ATL1: variants seen among roughly 807,000 people sequenced by gnomAD.
ATL1 encodes the protein atlastin GTPase 1.
A neutral mutation model predicts 75.5 loss-of-function variants in ATL1; 31 were observed. The ratio of observed to expected loss-of-function variants is 0.41; its 90% CI spans 0.31 to 0.55. ATL1 has a LOEUF of 0.55. ATL1 is among the 20% of genes least tolerant of loss of function. The pLI, the probability that ATL1 is intolerant of heterozygous loss-of-function variation, is 0.27. For synonymous variants in ATL1, 226 were observed against 233.3 expected (o/e 0.97, Z 0.28); for missense variants, 405 against 662.6 (o/e 0.61, Z 4.27).
chr14:50,574,935 GTGTATATA>G (rs1226057004), intron 1 of ATL1, among the ~76,000 whole-genome samples: 992 of 34,460 alleles, frequency 0.029, 25 homozygotes, highest in Admixed American at 0.13. Flanking sequence ...GTGTGTGTGT[GTGTATATA>G]TATATATATA....
Position 50,621,912 on chromosome 14 carries a change from G to A in ATL1, c.1047+13G>A, listed in dbSNP as rs780064369. 4 of 1,574,468 alleles carry A rather than the reference G, an allele frequency of 2.5e-6. No homozygotes were observed. On this transcript the variant is annotated intron_variant, in intron 10 of 13. Transcript: ENST00000358385. Reference sequence around the variant, plus strand: ...ATCCATGTTACAGGTATTTATTAATGAGGAGGCATGTTTTAAGACACGTGA... The same window carrying A: ...ATCCATGTTACAGGTATTTATTAATAAGGAGGCATGTTTTAAGACACGTGA...
At chr14:50,616,090 C>G (rs551826690) in intron 8 of ATL1, among the ~76,000 whole-genome samples, 3 of 152,056 alleles carry the variant, frequency 2.0e-5, no homozygotes, top group Non-Finnish European at 4.4e-5. Flanking sequence ...AACTCCTGGG[C>G]TCCAGCCATC....
At chr14:50,604,959 C>T (rs1175110314) in intron 6 of ATL1, among the ~76,000 whole-genome samples, 1 of 151,980 alleles carries the variant, frequency 6.6e-6, no homozygotes, top group Non-Finnish European at 1.5e-5. Flanking sequence ...GCTGTAACTG[C>T]TCTGAGGCAA....
chr14:50,601,210 TAAAC>T (rs2039269153), intron 6 of ATL1, among the ~76,000 whole-genome samples: 1 of 152,100 alleles, frequency 6.6e-6, no homozygotes, highest in Admixed American at 6.6e-5. Flanking sequence ...AGACCTATAA[TAAAC>T]AACAAATATG....
At chr14:50,559,988 C>T (rs1042981519), upstream of ATL1, 2 of 529,048 alleles carry the variant, frequency 3.8e-6, no homozygotes, top group Non-Finnish European at 3.4e-6. Context: ...GGTACGTGGT[C>T]TATCACTGTC....
rs202173614 is a variant in ATL1 at position 50,593,893 on chromosome 14, C to A, written c.570C>A (p.Leu190=). 13 of 1,604,764 alleles carry A rather than the reference C, an allele frequency of 8.1e-6. No homozygotes were observed. Among genetic ancestry groups the A allele is most frequent in the Non-Finnish European group, 1.1e-5 (13 of 1,172,146 alleles). The change falls in exon 5 of 14, where the codon CTC becomes CTA. Residue 190 remains leucine, a synonymous_variant. Transcript: ENST00000358385. ...TCCAGGAGGATGATCTTCAGCACCT[C>A]CAGGTAACAATATTTATTTTCTTTT... The part of the protein sequence containing the change: ...QNVQEDDLQH[L]QLFTEYGRLA...
chr14:50,561,409 G>C (rs2038843457), intron 1 of ATL1, among the ~76,000 whole-genome samples: 1 of 152,178 alleles, frequency 6.6e-6, no homozygotes, highest in Admixed American at 6.5e-5. Flanking sequence ...TCATCAGCTT[G>C]TTATTTAGAA....
intron 6 of ATL1, among the ~76,000 whole-genome samples, chr14:50,604,944 A>G (rs1160590502): frequency 1.3e-5 from 2 of 152,054 alleles, no homozygotes; most frequent in Non-Finnish European, 2.9e-5. Flanking sequence ...AAGTAATTAG[A>G]TGAGGCTGTA....
At chr14:50,620,193 G>C (rs1467338092) in intron 8 of ATL1, among the ~76,000 whole-genome samples, 2 of 152,182 alleles carry the variant, frequency 1.3e-5, no homozygotes, top group African/African-American at 4.8e-5. Context: ...AGGAGGCAGA[G>C]GTTGCAGTGA....
chr14:50,547,945 T>C (rs1034895488), intron 1 of ATL1, among the ~76,000 whole-genome samples: 5 of 152,206 alleles, frequency 3.3e-5, no homozygotes, highest in African/African-American at 1.2e-4. Context: ...AGTACCTATC[T>C]AGACTCTCTT....
intron 13 of ATL1, chr14:50,631,076 T>C (rs886548160): frequency 1.1e-5 from 4 of 351,692 alleles, no homozygotes; most frequent in African/African-American, 8.8e-5. Context: ...CTGGCTAACA[T>C]GGTGAGGCCC....
At chr14:50,545,580 A>G (rs1290550667) in intron 1 of ATL1, among the ~76,000 whole-genome samples, 1 of 152,218 alleles carries the variant, frequency 6.6e-6, no homozygotes, top group East Asian at 1.9e-4. Context: ...TTAAAGTACA[A>G]TAAGAATAGC....
At chr14:50,626,043 A>G (rs1262495370) in intron 11 of ATL1, among the ~76,000 whole-genome samples, 1 of 152,242 alleles carries the variant, frequency 6.6e-6, no homozygotes, top group African/African-American at 2.4e-5. Context: ...ACCTACAAAG[A>G]AAGATTCCTT....
intron 1 of ATL1, among the ~76,000 whole-genome samples, chr14:50,547,728 A>G (rs933776392): frequency 6.6e-6 from 1 of 152,210 alleles, no homozygotes; most frequent in Non-Finnish European, 1.5e-5. Flanking sequence ...GCCGTACCCA[A>G]TATTACTCAA....
intron 1 of ATL1, among the ~76,000 whole-genome samples, chr14:50,554,492 G>A (rs2038741316): frequency 6.6e-6 from 1 of 152,286 alleles, no homozygotes; most frequent in South Asian, 2.1e-4. Flanking sequence ...TGGGGAATGG[G>A]GTGGATTGTA....
chr14:50,584,649 C>T (rs1407215636), intron 1 of ATL1, among the ~76,000 whole-genome samples: 3 of 151,932 alleles, frequency 2.0e-5, no homozygotes, highest in Non-Finnish European at 2.9e-5. Context: ...GCGGAGCTTG[C>T]AGTGAGCCGA....
At chr14:50,537,115 G>A (rs116866611) in intron 1 of ATL1, among the ~76,000 whole-genome samples, 2,255 of 152,304 alleles carry the variant, frequency 0.015, 19 homozygotes, top group South Asian at 0.028. Flanking sequence ...AAGTGGTTTC[G>A]TTGGCTAGGC....
chr14:50,559,900 T>C (rs2038813206), upstream of ATL1: 6 of 336,608 alleles, frequency 1.8e-5, no homozygotes, highest in East Asian at 3.7e-4. Flanking sequence ...GTATTTCTGA[T>C]AACGCTGTTA....
At chr14:50,593,946 G>A (rs1488804468) in intron 5 of ATL1, 50 bp downstream of exon 5, 2 of 1,317,332 alleles carry the variant, frequency 1.5e-6, no homozygotes, top group East Asian at 2.3e-5. Context: ...TTTGAAACAT[G>A]TATAGCAGAA....
Sources: allele counts gnomAD v4.1 joint callset (sites outside exome capture counted in the v4.1 genomes callset), GRCh38; gene constraint gnomAD v4.1.1; transcripts MANE v1.5; gene names NCBI Gene and HGNC (gene_info 2026-07-23, HGNC 2026-07-21).